The following TMEM132D variants were observed in gnomAD, a reference collection of about 807,000 sequenced individuals.
The protein encoded by TMEM132D is mature OL transmembrane protein.
Under a neutral mutation model 62.3 loss-of-function variants are expected in TMEM132D, and 21 were observed. That is an observed-to-expected ratio of 0.34 (90% CI 0.24 to 0.49). The LOEUF (loss-of-function observed/expected upper bound fraction) is 0.49, where lower values mean the gene tolerates loss of function less well. Ranked by LOEUF, TMEM132D falls within the 20% of genes least tolerant of loss-of-function variation. The pLI is 0.99. For missense variants in TMEM132D, 1,346 were observed against 1,402.8 expected, an observed-to-expected ratio of 0.96 and a Z score of 0.65; for synonymous variants, 621 against 575.6, an observed-to-expected ratio of 1.08 and a Z score of -1.13.
rs1566067287 is a variant in TMEM132D, at chr12:129,433,645, G to A, written c.1116-95828C>T. On this transcript the variant is annotated intron_variant, in intron 3 of 8. Coordinates refer to ENST00000422113, the MANE Select transcript of TMEM132D (RefSeq NM_133448.3). ...AAAAGAAACATTTAGAGAAGCAAGA[G>A]TATCCCCCAGAAATTAAAAATACAT... Among the ~76,000 whole-genome samples the A allele has an allele frequency of 2.0e-5, 3 of 152,146 alleles. No individual in the cohort carries two copies. The South Asian group carries it at 6.2e-4, about 31-fold the overall frequency.
intron 1 of TMEM132D, among the ~76,000 whole-genome samples, chr12:129,817,435 T>G (rs1331727361): frequency 6.9e-6 from 1 of 144,856 alleles, no homozygotes. Context: ...AAATAAAGTC[T>G]GACTCTGGGG....
chr12:129,657,003 CTG>C (rs1188256838), intron 2 of TMEM132D, among the ~76,000 whole-genome samples: 4 of 152,168 alleles, frequency 2.6e-5, no homozygotes, highest in Middle Eastern at 3.2e-3. Context: ...TAAATATCTA[CTG>C]TCTCAAAGAT....
chr12:129,337,664 C>G lies in TMEM132D; in HGVS notation c.1269G>C (p.Lys423Asn), dbSNP rs1441829853. ...CCAGCGGCACAACTCCAATCAAGTC[C>G]TTTGGGCTCACATAGATCTTGGACA... ...LGVSKIYVSP[K>N]DLIGVVPLAM... Residue 423 changes from lysine (K) to asparagine (N), a missense_variant, in exon 4 of 9, where the codon AAG becomes AAC. Physicochemically the swap from Lys to Asn is moderately conservative, Grantham distance 94. Coordinates refer to ENST00000422113, the MANE Select transcript of TMEM132D (RefSeq NM_133448.3). 1 of 1,614,118 alleles carries G rather than the reference C, an allele frequency of 6.2e-7. No individual in the cohort carries two copies. The highest frequency in any genetic ancestry group is 2.2e-5 in the East Asian group (1 of 44,858).
chr12:129,489,621 G>A (rs1033233066), intron 3 of TMEM132D, among the ~76,000 whole-genome samples: 2 of 152,140 alleles, frequency 1.3e-5, no homozygotes, highest in Admixed American at 1.3e-4. Context: ...TTTTATTCCT[G>A]AGAGACCATT....
intron 5 of TMEM132D, among the ~76,000 whole-genome samples, chr12:129,118,029 G>C (rs951508462): frequency 3.3e-5 from 5 of 152,114 alleles, no homozygotes; most frequent in Non-Finnish European, 5.9e-5. Context: ...CTGGTATTTT[G>C]TGCATCTGCC....
In TMEM132D at chr12:129,879,871, C is replaced by A. The variant is rs148996386; in HGVS notation, c.79+23390G>T. Among the ~76,000 whole-genome samples the A allele has an allele frequency of 3.9e-5, 6 of 152,164 alleles. No individual in the cohort carries two copies. The East Asian group carries it at 1.2e-3, about 29-fold the overall frequency. Reference sequence around the variant, plus strand: ...AACGGAACAGAGCATTGAAGACCCTCTGAGGCAATATGAAACAGTCTAGCA... The same window carrying A: ...AACGGAACAGAGCATTGAAGACCCTATGAGGCAATATGAAACAGTCTAGCA... On this transcript the variant is annotated intron_variant, in intron 1 of 8. Transcript: ENST00000422113.
intron 3 of TMEM132D, among the ~76,000 whole-genome samples, chr12:129,476,071 T>G (rs562528640): frequency 6.6e-5 from 10 of 152,316 alleles, no homozygotes; most frequent in African/African-American, 2.4e-4. Flanking sequence ...GTGCTTTCTG[T>G]TGAATGGGAC....
rs116505252 is a variant in TMEM132D, at chr12:129,319,041, C to G, written c.1299+18593G>C. 6.4e-3 allele frequency among the ~76,000 whole-genome samples: 979 copies of G among 152,264 alleles called. 8 individuals carry two copies. The highest frequency in any genetic ancestry group is 0.021 in the African/African-American group (870 of 41,542). Reference sequence around the variant, plus strand: ...TGAAAACTTGCCCTGGGCTACCTGCCTTCCAGCTGCGGAAAAAAAGGTCTT... The same window carrying G: ...TGAAAACTTGCCCTGGGCTACCTGCGTTCCAGCTGCGGAAAAAAAGGTCTT... On this transcript the variant is annotated intron_variant, in intron 4 of 8. Coordinates refer to ENST00000422113, the MANE Select transcript of TMEM132D (RefSeq NM_133448.3).
At chr12:129,562,515 G>A (rs1215084929) in intron 2 of TMEM132D, among the ~76,000 whole-genome samples, 1 of 152,188 alleles carries the variant, frequency 6.6e-6, no homozygotes, top group African/African-American at 2.4e-5. Flanking sequence ...GAACCTCATA[G>A]AAGGGTATAA....
intron 5 of TMEM132D, among the ~76,000 whole-genome samples, chr12:129,200,871 C>T (rs959468648): frequency 2.6e-5 from 4 of 152,220 alleles, no homozygotes; most frequent in African/African-American, 9.6e-5. Context: ...CAGTTGTTTA[C>T]TCAGCTTGTT....
intron 1 of TMEM132D, among the ~76,000 whole-genome samples, chr12:129,704,465 C>A (rs1881455940): frequency 6.6e-6 from 1 of 152,206 alleles, no homozygotes; most frequent in East Asian, 1.9e-4. Flanking sequence ...AGGCGTCTTG[C>A]TGATGCTGTT....
intron 3 of TMEM132D, among the ~76,000 whole-genome samples, chr12:129,453,419 G>T (rs945742932): frequency 1.3e-5 from 2 of 152,148 alleles, no homozygotes; most frequent in African/African-American, 4.8e-5. Flanking sequence ...GGCTAAGTCT[G>T]CTCCTTTCAA....
intron 2 of TMEM132D, among the ~76,000 whole-genome samples, chr12:129,617,521 G>T (rs1376782261): frequency 6.6e-6 from 1 of 152,174 alleles, no homozygotes; most frequent in East Asian, 1.9e-4. Context: ...GGAAGTTTCA[G>T]ATGTGGCAGA....
intron 3 of TMEM132D, among the ~76,000 whole-genome samples, chr12:129,530,757 GGACTAGAAA>G (rs1041184363): frequency 1.3e-5 from 2 of 152,230 alleles, no homozygotes; most frequent in Middle Eastern, 3.4e-3. Flanking sequence ...CCAATAACAT[GGACTAGAAA>G]GAGGTCATGT....
chr12:129,206,181 G>GA (rs907683473), intron 5 of TMEM132D, among the ~76,000 whole-genome samples: 6 of 152,000 alleles, frequency 3.9e-5, no homozygotes, highest in African/African-American at 1.2e-4. Flanking sequence ...ATACAGAATG[G>GA]AAAAAAATAT....
intron 1 of TMEM132D, among the ~76,000 whole-genome samples, chr12:129,810,741 G>T (rs1449129927): frequency 1.3e-5 from 2 of 152,086 alleles, no homozygotes; most frequent in Admixed American, 6.6e-5. Flanking sequence ...ATTCAAACAA[G>T]TATTAATTTA....
chr12:129,593,839 T>A (rs1190647262), intron 2 of TMEM132D, among the ~76,000 whole-genome samples: 1 of 151,792 alleles, frequency 6.6e-6, no homozygotes, highest in African/African-American at 2.4e-5. Context: ...GACATGTATT[T>A]TTTTTAAAAT....
intron 1 of TMEM132D, among the ~76,000 whole-genome samples, chr12:129,810,835 T>C (rs1304664545): frequency 6.6e-6 from 1 of 152,200 alleles, no homozygotes; most frequent in African/African-American, 2.4e-5. Flanking sequence ...TCAAAATTAT[T>C]CCTAACTAAA....
At chr12:129,832,184 G>C (rs925744469) in intron 1 of TMEM132D, among the ~76,000 whole-genome samples, 1 of 151,316 alleles carries the variant, frequency 6.6e-6, no homozygotes, top group Non-Finnish European at 1.5e-5. Context: ...ACTGCACCTG[G>C]CCGTTTTGTA....
Sources: allele counts gnomAD v4.1 joint callset (sites outside exome capture counted in the v4.1 genomes callset), GRCh38; gene constraint gnomAD v4.1.1; transcripts MANE v1.5; gene names NCBI Gene and HGNC (gene_info 2026-07-23, HGNC 2026-07-21).